Variants in FBXO10 observed in about 807,000 individuals in gnomAD.
FBXO10 encodes F-box only protein 10.
A neutral mutation model predicts 80.7 loss-of-function variants in FBXO10; 39 were observed. That is an observed-to-expected ratio of 0.48 (90% CI 0.37 to 0.63). The LOEUF is 0.63. Ranked by LOEUF, FBXO10 falls within the 30% of genes least tolerant of loss-of-function variation. The probability of loss-of-function intolerance (pLI) is 0.00; values close to 1 mark genes in which losing one functional copy is unlikely to be tolerated. For synonymous variants in FBXO10, 449 were observed against 489.6 expected, an observed-to-expected ratio of 0.92 and a Z score of 1.09; for missense variants, 1,025 against 1,269.0, an observed-to-expected ratio of 0.81 and a Z score of 2.92.
chr9:37,562,479 G>C (rs530993108), intron 1 of FBXO10, among the ~76,000 whole-genome samples: 2 of 152,150 alleles, frequency 1.3e-5, no homozygotes, highest in African/African-American at 4.8e-5. Flanking sequence ...CAGAGCCTGG[G>C]CACCTCTAGG....
At chr9:37,532,744 C>T (rs1031916002) in intron 3 of FBXO10, among the ~76,000 whole-genome samples, 23 of 152,186 alleles carry the variant, frequency 1.5e-4, no homozygotes, top group Admixed American at 3.3e-4. Flanking sequence ...ATAGAAAGGA[C>T]GCTTAGGGGA....
At chr9:37,568,611 T>G (rs1822668274) in intron 1 of FBXO10, among the ~76,000 whole-genome samples, 1 of 152,232 alleles carries the variant, frequency 6.6e-6, no homozygotes, top group South Asian at 2.1e-4. Context: ...CCAATCAAAG[T>G]TGATACATTG....
In FBXO10 at chr9:37,511,961, C is replaced by G. The variant is rs1821066899; in HGVS notation, c.*586G>C. 1 of 152,578 alleles carries G rather than the reference C, an allele frequency of 6.6e-6. No individual in the cohort carries two copies. The highest frequency in any genetic ancestry group is 2.1e-4 in the South Asian group (1 of 4,838). 9.5% of individuals were successfully genotyped at this position (152,578 alleles called of 1,614,324 possible). On this transcript the variant is annotated 3_prime_UTR_variant, in exon 11 of 11. Transcript: ENST00000432825. ...GTCCCTCTTGTCATCCCTGGGGCAG[C>G]CTTTCCATGGGGTCTCCTGTTGCTC...
intron 2 of FBXO10, among the ~76,000 whole-genome samples, chr9:37,538,984 G>A (rs1252385257): frequency 1.3e-5 from 2 of 152,166 alleles, no homozygotes; most frequent in Admixed American, 6.5e-5. Context: ...CCTTGGCTCT[G>A]TGGGCCCAAC....
intron 1 of FBXO10, among the ~76,000 whole-genome samples, chr9:37,563,428 G>A (rs974679032): frequency 1.4e-4 from 21 of 152,110 alleles, no homozygotes; most frequent in African/African-American, 2.9e-4. Context: ...TGGAGGGCTC[G>A]GAAGAAGACA....
intron 1 of FBXO10, among the ~76,000 whole-genome samples, chr9:37,544,951 G>A (rs573807429): frequency 1.4e-4 from 19 of 135,340 alleles, no homozygotes; most frequent in African/African-American, 4.0e-4. Flanking sequence ...CGGAGATCGC[G>A]CCACTGCACT....
intron 5 of FBXO10, among the ~76,000 whole-genome samples, chr9:37,526,832 T>C (rs1821487158): frequency 7.1e-6 from 1 of 140,292 alleles, no homozygotes. Context: ...TTTATTTATT[T>C]ATTTATTTAT....
At chr9:37,538,032 A>G in intron 2 of FBXO10, 89 bp from the exon 3 acceptor site, 1 of 1,017,744 alleles carries the variant, frequency 9.8e-7, no homozygotes, top group Non-Finnish European at 1.5e-6. Flanking sequence ...GAACATGGAA[A>G]GGCCATTTGT....
At chr9:37,541,980 C>G (rs1821931859) in intron 1 of FBXO10, among the ~76,000 whole-genome samples, 1 of 152,142 alleles carries the variant, frequency 6.6e-6, no homozygotes, top group East Asian at 1.9e-4. Flanking sequence ...CAGGCATGCA[C>G]TACCACAACT....
At chr9:37,526,041 C>A (rs1004134853) in intron 5 of FBXO10, among the ~76,000 whole-genome samples, 2 of 151,894 alleles carry the variant, frequency 1.3e-5, no homozygotes, top group Non-Finnish European at 2.9e-5. Flanking sequence ...ACAAATCTCA[C>A]CTCCAGAAAG....
At position 37,521,702 on chromosome 9, in the gene FBXO10, G is replaced by A; in HGVS notation, c.2067C>T (p.His689=). The A allele has an allele frequency of 6.2e-7, 1 of 1,613,994 alleles. No homozygotes were observed. Among genetic ancestry groups the A allele is most frequent in the Non-Finnish European group, 8.5e-7 (1 of 1,179,900 alleles). ...CCTCGCTGAAGTTCTCTTGAGCCCTGTGGCCTCGAGGTAACTCGCTGGAGC... is the reference window on the plus strand; with the variant it reads ...CCTCGCTGAAGTTCTCTTGAGCCCTATGGCCTCGAGGTAACTCGCTGGAGC... ...KDGSSELPRG[H]RAQENFSEDG... Residue 689 remains histidine, a synonymous_variant, in exon 8 of 11, where the codon CAC becomes CAT. Coordinates refer to ENST00000432825, the MANE Select transcript of FBXO10 (RefSeq NM_012166.3).
In FBXO10 at chr9:37,541,551, T is replaced by A; in HGVS notation, c.218A>T (p.Glu73Val). ...QPDVEPESWREAFKQHYLASK... is the reference protein window; with the variant it reads ...QPDVEPESWRVAFKQHYLASK... ...TGCAAGGTAATGCTGCTTGAAGGCT[T>A]CTCTCCAAGACTCAGGCTCCACATC... Residue 73 changes from glutamate to valine, a missense_variant, in exon 2 of 11, where the codon GAA (glutamate) becomes GTA (valine). Around this residue, in one of 3 missense-constraint regions of FBXO10, gnomAD observed 450 missense variants for 499.4 expected, o/e 0.90. Transcript: ENST00000432825. The A allele has an allele frequency of 1.2e-6, 2 of 1,613,704 alleles. No homozygotes were observed. The highest frequency in any genetic ancestry group is 1.7e-6 in the Non-Finnish European group (2 of 1,179,742).
At chr9:37,557,586 C>G (rs951994788) in intron 1 of FBXO10, among the ~76,000 whole-genome samples, 1 of 152,152 alleles carries the variant, frequency 6.6e-6, no homozygotes, top group Non-Finnish European at 1.5e-5. Context: ...TTTTGGTGAC[C>G]TATACGTGGT....
intron 10 of FBXO10, 69 bp from the exon 11 acceptor site, chr9:37,512,790 G>T (rs1277447138): frequency 1.3e-6 from 2 of 1,489,934 alleles, no homozygotes; most frequent in Admixed American, 4.1e-5. Flanking sequence ...GCCCTGCACA[G>T]TCTTAACTTG....
intron 1 of FBXO10, among the ~76,000 whole-genome samples, chr9:37,555,190 A>G (rs907473442): frequency 1.1e-4 from 16 of 152,180 alleles, no homozygotes; most frequent in African/African-American, 3.6e-4. Flanking sequence ...TGCTGGGACT[A>G]TAGGAGTAAA....
chr9:37,523,121 G>C, intron 6 of FBXO10, 144 bp from the exon 7 acceptor site: 1 of 875,274 alleles, frequency 1.1e-6, no homozygotes, highest in Non-Finnish European at 1.7e-6. Context: ...TGTAAATCTT[G>C]TCTGCTGTCT....
rs1395963184 is a variant in FBXO10 at position 37,512,668 on chromosome 9, G to T, written c.2750C>A (p.Ser917Tyr). ...GTGGGCTGCCGAGGGACGTCTGAGA[G>T]AATTTTCAAGGTGGGGCCGTGCTGG... Reference protein sequence around the residue: ...NPPARPHLENSLRRPSAAHNG... With the variant: ...NPPARPHLENYLRRPSAAHNG... The change falls in exon 11 of 11, where the codon TCT (serine) becomes TAT (tyrosine). Residue 917 changes from serine to tyrosine, a missense_variant. Physicochemically the swap from Ser to Tyr is moderately radical, Grantham distance 144 (BLOSUM62 -2). This residue lies in a region of FBXO10 where 97 missense variants were observed against 101.8 expected (regional missense o/e 0.95). Transcript: ENST00000432825. 7 of 1,613,896 alleles carry T rather than the reference G, an allele frequency of 4.3e-6. No individual in the cohort carries two copies. The highest frequency in any genetic ancestry group is 1.6e-4 in the Middle Eastern group (1 of 6,082).
intron 1 of FBXO10, among the ~76,000 whole-genome samples, chr9:37,553,098 G>C (rs1395310429): frequency 6.6e-6 from 1 of 151,840 alleles, no homozygotes; most frequent in Non-Finnish European, 1.5e-5. Context: ...CTGGAGTGTA[G>C]TGGTGCAATC....
At chr9:37,540,888 G>A (rs544485763) in intron 2 of FBXO10, among the ~76,000 whole-genome samples, 9 of 152,276 alleles carry the variant, frequency 5.9e-5, no homozygotes, top group South Asian at 4.1e-4. Flanking sequence ...TGGCTTTCCC[G>A]CCGCTGCTAG....
Sources: allele counts gnomAD v4.1 joint callset (sites outside exome capture counted in the v4.1 genomes callset), GRCh38; gene constraint gnomAD v4.1.1; regional missense constraint gnomAD v4.1.1; transcripts MANE v1.5; gene names NCBI Gene and HGNC (gene_info 2026-07-23, HGNC 2026-07-21).